FOXP2: variants seen among roughly 807,000 people sequenced by gnomAD.
FOXP2 encodes the protein forkhead box P2.
A neutral mutation model predicts 115.8 loss-of-function variants in FOXP2; 12 were observed. The ratio of observed to expected loss-of-function variants is 0.10; its 90% CI spans 0.07 to 0.17. FOXP2 has a LOEUF of 0.17. FOXP2 is among the 10% of genes least tolerant of loss of function. FOXP2 has a pLI of 1.00. For synonymous variants in FOXP2, 328 were observed against 297.7 expected, an observed-to-expected ratio of 1.10 and a Z score of -1.05; for missense variants, 629 against 843.5, an observed-to-expected ratio of 0.75 and a Z score of 3.15.
chr7:114,130,851 A>G (rs984929650), intron 1 of FOXP2, among the ~76,000 whole-genome samples: 5 of 152,220 alleles, frequency 3.3e-5, no homozygotes, highest in African/African-American at 1.2e-4. Flanking sequence ...TGAAAAGGAA[A>G]TGTTGGCATT....
chr7:114,656,707 G>A (rs556546829), intron 10 of FOXP2: 8 of 181,210 alleles, frequency 4.4e-5, no homozygotes, highest in South Asian at 3.3e-4. Flanking sequence ...GGTGCCAGTC[G>A]TTATTATTAG....
intron 16 of FOXP2, chr7:114,669,034 T>A (rs1807342533): frequency 1.3e-5 from 2 of 152,046 alleles, no homozygotes; most frequent in Admixed American, 1.3e-4. Context: ...TGGTAGACTA[T>A]ACTTTTTAAG....
chr7:114,162,095 C>G (rs1319567421), upstream of FOXP2, among the ~76,000 whole-genome samples: 1 of 152,000 alleles, frequency 6.6e-6, no homozygotes, highest in Non-Finnish European at 1.5e-5. Context: ...AGATATTTGT[C>G]TTAATTCTTA....
chr7:114,135,825 A>G (rs1194286125), intron 1 of FOXP2, among the ~76,000 whole-genome samples: 3 of 152,142 alleles, frequency 2.0e-5, no homozygotes, highest in Non-Finnish European at 4.4e-5. Flanking sequence ...TTCCCCATGT[A>G]ATATTTGTAA....
intron 2 of FOXP2, among the ~76,000 whole-genome samples, chr7:114,484,968 T>C (rs1230085417): frequency 6.6e-6 from 1 of 151,894 alleles, no homozygotes; most frequent in Non-Finnish European, 1.5e-5. Context: ...TAAATAAATA[T>C]GTAGTTTTTA....
intron 1 of FOXP2, among the ~76,000 whole-genome samples, chr7:114,145,279 T>C (rs1342385187): frequency 6.6e-6 from 1 of 152,206 alleles, no homozygotes; most frequent in Non-Finnish European, 1.5e-5. Context: ...CATTGATCAG[T>C]AGTCCACTGC....
At chr7:114,188,099 A>C (rs1235896300) in intron 1 of FOXP2, among the ~76,000 whole-genome samples, 1 of 152,184 alleles carries the variant, frequency 6.6e-6, no homozygotes, top group Non-Finnish European at 1.5e-5. Context: ...ATCTCATGGC[A>C]CCCAAAACAT....
chr7:114,386,817 C>T (rs1173734829), intron 2 of FOXP2, among the ~76,000 whole-genome samples: 1 of 152,174 alleles, frequency 6.6e-6, no homozygotes, highest in African/African-American at 2.4e-5. Context: ...TATTCAATGA[C>T]ATTTAGTTTT....
chr7:114,122,807 TAA>T, intron 1 of FOXP2, among the ~76,000 whole-genome samples: 1 of 152,222 alleles, frequency 6.6e-6, no homozygotes, highest in Non-Finnish European at 1.5e-5. Context: ...TGAATACACA[TAA>T]TTTTTAAGGA....
At chr7:114,383,278 A>G (rs989446267) in intron 2 of FOXP2, among the ~76,000 whole-genome samples, 1 of 152,200 alleles carries the variant, frequency 6.6e-6, no homozygotes, top group Non-Finnish European at 1.5e-5. Flanking sequence ...TCTGAAAGAG[A>G]AAAAGGTACA....
At chr7:114,514,698 TTTA>T (rs1320466934) in intron 2 of FOXP2, among the ~76,000 whole-genome samples, 4 of 151,392 alleles carry the variant, frequency 2.6e-5, no homozygotes, top group African/African-American at 9.7e-5. Context: ...TATTTATTTA[TTTA>T]TTTTTTATAT....
At chr7:114,364,976 G>C (rs538222736) in intron 2 of FOXP2, among the ~76,000 whole-genome samples, 1 of 151,980 alleles carries the variant, frequency 6.6e-6, no homozygotes, top group African/African-American at 2.4e-5. Flanking sequence ...TTTCAAAAAG[G>C]GTGCTTAATA....
chr7:114,144,426 C>T (rs1042156464), intron 1 of FOXP2, among the ~76,000 whole-genome samples: 5 of 151,984 alleles, frequency 3.3e-5, no homozygotes, highest in Non-Finnish European at 4.4e-5. Context: ...TTTTAATAGT[C>T]GTTAGTATTA....
At chr7:114,465,540 A>G (rs1795764734) in intron 2 of FOXP2, among the ~76,000 whole-genome samples, 1 of 152,222 alleles carries the variant, frequency 6.6e-6, no homozygotes, top group South Asian at 2.1e-4. Flanking sequence ...CTGAGTTTAA[A>G]GAAAAATGTT....
intron 2 of FOXP2, among the ~76,000 whole-genome samples, chr7:114,495,479 C>CTT (rs1797263196): frequency 5.7e-4 from 54 of 94,066 alleles, no homozygotes; most frequent in African/African-American, 1.8e-3. Context: ...TTCTTTCTCT[C>CTT]TCTCTTTTTT....
rs377227249 is a variant in FOXP2, at chr7:114,176,263, C to CCTTTCTTTCTTTCTTTCTTTCTTT, written c.-102+13190_-102+13213dup. 2.6e-4 allele frequency among the ~76,000 whole-genome samples: 32 copies of CCTTTCTTTCTTTCTTTCTTTCTTT among 123,512 alleles called. 2 individuals carry two copies. The highest frequency in any genetic ancestry group is 1.2e-3 in the African/African-American group (31 of 26,526). The allele number at this position is 123,512 out of a possible 152,430, so 81.0% of individuals were successfully genotyped here. A position where few individuals can be genotyped will look rare whatever the true frequency, so the allele number is the denominator to read the frequency against. On this transcript the variant is annotated intron_variant, in intron 1 of 17. Transcript: ENST00000634411. ...TTCTTTCTTTCTCTCTCTCTCTTTC[C>CCTTTCTTTCTTTCTTTCTTTCTTT]CTTTCTTTCTTTCTTTCTTTCTTTC...
At chr7:114,594,598 A>C (rs1390875445) in intron 3 of FOXP2, among the ~76,000 whole-genome samples, 1 of 152,072 alleles carries the variant, frequency 6.6e-6, no homozygotes, top group Non-Finnish European at 1.5e-5. Context: ...GTATGTGAGA[A>C]CCAATTCTAT....
At chr7:114,499,172 G>A in intron 2 of FOXP2, 1 of 460,640 alleles carries the variant, frequency 2.2e-6, no homozygotes, top group East Asian at 3.5e-5. Flanking sequence ...GGAATCATGA[G>A]ATCCAGCTCA....
intron 2 of FOXP2, among the ~76,000 whole-genome samples, chr7:114,353,359 T>TC (rs1465805841): frequency 3.6e-5 from 4 of 110,972 alleles, no homozygotes; most frequent in African/African-American, 9.3e-5. Flanking sequence ...TTTTTTTTTT[T>TC]CACAGCTCTA....
Sources: allele counts gnomAD v4.1 joint callset (sites outside exome capture counted in the v4.1 genomes callset), GRCh38; gene constraint gnomAD v4.1.1; transcripts MANE v1.5; gene names NCBI Gene and HGNC (gene_info 2026-07-23, HGNC 2026-07-21).